CHPF: variants seen among roughly 807,000 people sequenced by gnomAD.
CHPF encodes the protein chondroitin polymerizing factor, non-catalytic subunit.
Under a neutral mutation model 55.1 loss-of-function variants are expected in CHPF, and 34 were observed. The ratio of observed to expected loss-of-function variants is 0.62; its 90% confidence interval spans 0.47 to 0.82. CHPF has a LOEUF of 0.82. Among genes scored for constraint, CHPF ranks in the 40% least tolerant of loss-of-function variants. The probability of loss-of-function intolerance (pLI) is 0.00; values close to 1 mark genes in which losing one functional copy is unlikely to be tolerated. For missense variants in CHPF, 961 were observed against 1,106.1 expected, an observed-to-expected ratio of 0.87 and a Z score of 1.86; for synonymous variants, 489 against 496.6, an observed-to-expected ratio of 0.98 and a Z score of 0.20.
chr2:219,543,054 G>C (rs1695311653), intron 1 of CHPF, 171 bp downstream of exon 1: 1 of 1,360,240 alleles, frequency 7.4e-7, no homozygotes, highest in Non-Finnish European at 9.4e-7. Flanking sequence ...AGAAAGTCTC[G>C]GACTGGCCCC....
In CHPF at chr2:219,543,545, C is replaced by G; in HGVS notation, c.-7G>C. 1 of 1,328,776 alleles carries G rather than the reference C, an allele frequency of 7.5e-7. No homozygotes were observed. The highest frequency in any genetic ancestry group is 3.1e-5 in the East Asian group (1 of 32,002). 82.3% of individuals were successfully genotyped at this position (1,328,776 alleles called of 1,614,324 possible). A position where few individuals can be genotyped will look rare whatever the true frequency, so the allele number is the denominator to read the frequency against. ...GCAGCAGCGATGCCCGCATGGCGCC[C>G]GGACCGCGGGTCCCCGGCCCCGGCG... On this transcript the variant is annotated 5_prime_UTR_variant, in exon 1 of 4. Transcript: ENST00000243776.
At position 219,540,925 on chromosome 2, in the gene CHPF, AC is replaced by A. The variant is rs1425444239; in HGVS notation, c.1068+20del. ...CAGATCCTGTCCCCGTCACTCTGCC[AC>A]CCCCAGACCTAGACCATACCTGTAA... On this transcript the variant is annotated intron_variant, in intron 3 of 3. Transcript: ENST00000243776. 51 of 1,603,862 alleles carry A rather than the reference AC, an allele frequency of 3.2e-5. No homozygotes were observed. Among genetic ancestry groups the A allele is most frequent in the Non-Finnish European group, 4.1e-5 (48 of 1,177,214 alleles).
At chr2:219,542,809 T>A in intron 1 of CHPF, 1 of 599,970 alleles carries the variant, frequency 1.7e-6, no homozygotes, top group Non-Finnish European at 2.1e-6. Context: ...CATTCCTCCC[T>A]CCCCCATCTC....
chr2:219,539,712 C>T lies in CHPF; in HGVS notation c.1999G>A (p.Gly667Ser), dbSNP rs1425898379. 6.2e-7 allele frequency: 1 copy of T among 1,613,282 alleles called. No individual in the cohort carries two copies. ...PGPPELGRDTGRFDRQAASEA... is the reference protein window; with the variant it reads ...PGPPELGRDTSRFDRQAASEA... ...CTGGCTGCCTGGCGATCAAAGCGGC[C>T]AGTGTCACGGCCCAGCTCTGGGGGC... Residue 667 changes from glycine to serine, a missense_variant, in exon 4 of 4, where the codon GGC becomes AGC. By Grantham distance (56) the Gly-to-Ser change is moderately conservative. This residue lies in a region of CHPF where 936 missense variants were observed against 1,058.4 expected (regional missense o/e 0.88). Transcript: ENST00000243776.
Position 219,540,005 on chromosome 2 carries a change from T to C in CHPF, c.1706A>G (p.His569Arg). The part of the protein sequence containing the change: ...HADVFAPVKA[H>R]VAELERRFPG... ...GAAACGCCGCTCCAGCTCTGCCACG[T>C]GGGCCTTGACAGGTGCGAAGACATC... The change falls in exon 4 of 4, where the codon CAC becomes CGC. Residue 569 changes from histidine to arginine, a missense_variant. By Grantham distance (29) the His-to-Arg change is conservative (BLOSUM62 0). Around this residue, in one of 3 missense-constraint regions of CHPF, gnomAD observed 936 missense variants for 1,058.4 expected, o/e 0.88. Transcript: ENST00000243776. 1 of 1,613,604 alleles carries C rather than the reference T, an allele frequency of 6.2e-7. No homozygotes were observed. Among genetic ancestry groups the C allele is most frequent in the Non-Finnish European group, 8.5e-7 (1 of 1,179,954 alleles).
At chr2:219,543,125 C>T in intron 1 of CHPF, 100 bp downstream of exon 1, 5 of 1,369,604 alleles carry the variant, frequency 3.7e-6, no homozygotes, top group Non-Finnish European at 4.7e-6. Context: ...TCCTGGCTCG[C>T]CAGCCCCTTC....
intron 1 of CHPF, chr2:219,542,959 C>T: frequency 1.6e-6 from 2 of 1,278,882 alleles, no homozygotes; most frequent in Non-Finnish European, 2.0e-6. Context: ...AGCCAGGGAG[C>T]TAGTAGGATC....
At position 219,542,045 on chromosome 2, in the gene CHPF, G is replaced by A; in HGVS notation, c.459C>T (p.Gly153=). Residue 153 remains glycine, a synonymous_variant, in exon 2 of 4, where the codon GGC becomes GGT. Coordinates refer to ENST00000243776, the MANE Select transcript of CHPF (RefSeq NM_024536.6). ...HRLERVVFLT[G]ARGRRAPPGM... ...CAGGTGGGGCCCGGCGGCCCCGTGC[G>A]CCCGTCAGGAACACCACACGCTCCA... 1 of 1,584,590 alleles carries A rather than the reference G, an allele frequency of 6.3e-7. No homozygotes were observed. Among genetic ancestry groups the A allele is most frequent in the Non-Finnish European group, 8.5e-7 (1 of 1,169,918 alleles).
At position 219,539,350 on chromosome 2, in the gene CHPF, G is replaced by A. The variant is rs1214159838; in HGVS notation, c.*33C>T. On this transcript the variant is annotated 3_prime_UTR_variant, in exon 4 of 4. Transcript: ENST00000243776. ...TTGGGGGAGAAGTGGGGTGGGGTGTGGCCATGCCACGGCCCACGGGGACAG... is the reference window on the plus strand; with the variant it reads ...TTGGGGGAGAAGTGGGGTGGGGTGTAGCCATGCCACGGCCCACGGGGACAG... 1.9e-6 allele frequency: 3 copies of A among 1,557,052 alleles called. No individual in the cohort carries two copies. The highest frequency in any genetic ancestry group is 2.6e-6 in the Non-Finnish European group (3 of 1,148,010).
Position 219,543,538 on chromosome 2 carries a change from T to TG in CHPF, c.-1dup. On this transcript the variant is annotated 5_prime_UTR_variant, in exon 1 of 4. Coordinates refer to ENST00000243776, the MANE Select transcript of CHPF (RefSeq NM_024536.6). Reference sequence around the variant, plus strand: ...ACCGACAGCAGCAGCGATGCCCGCATGGCGCCCGGACCGCGGGTCCCCGGC... The same window carrying TG: ...ACCGACAGCAGCAGCGATGCCCGCATGGGCGCCCGGACCGCGGGTCCCCGGC... 1 of 1,332,272 alleles carries TG rather than the reference T, an allele frequency of 7.5e-7. No homozygotes were observed. The highest frequency in any genetic ancestry group is 9.6e-7 in the Non-Finnish European group (1 of 1,046,042). The allele number at this position is 1,332,272 out of a possible 1,614,324, so 82.5% of individuals were successfully genotyped here.
At chr2:219,541,173 C>A in intron 2 of CHPF, 48 bp from the exon 3 acceptor site, 1 of 1,505,176 alleles carries the variant, frequency 6.6e-7, no homozygotes. Flanking sequence ...CATTGTCTTC[C>A]GTTGTCTCAT....
Position 219,539,401 on chromosome 2 carries a change from C to T in CHPF, c.2310G>A (p.Glu770=), listed in dbSNP as rs905084021. The T allele has an allele frequency of 3.7e-6, 6 of 1,604,448 alleles. No homozygotes were observed. Among genetic ancestry groups the T allele is most frequent in the Non-Finnish European group, 5.1e-6 (6 of 1,173,574 alleles). The part of the protein sequence containing the change: ...TQLAMLLFEQ[E]QGNST ...GGTGGGGTCAGGTGCTGTTGCCCTG[C>T]TCCTGTTCAAAGAGTAGCATGGCCA... Residue 770 remains glutamate (E), a synonymous_variant, in exon 4 of 4, where the codon GAG becomes GAA. Coordinates refer to ENST00000243776, the MANE Select transcript of CHPF (RefSeq NM_024536.6).
chr2:219,543,090 C>T, intron 1 of CHPF, 135 bp downstream of exon 1: 2 of 1,363,352 alleles, frequency 1.5e-6, no homozygotes, highest in Non-Finnish European at 9.4e-7. Flanking sequence ...GCAGGGCCAT[C>T]GGAAGTTATC....
At chr2:219,542,708 G>C (rs1695302919) in intron 1 of CHPF, among the ~76,000 whole-genome samples, 1 of 152,184 alleles carries the variant, frequency 6.6e-6, no homozygotes, top group Non-Finnish European at 1.5e-5. Context: ...CTTTTGGTAA[G>C]GCAGAAGGTA....
chr2:219,543,346 C>T lies in CHPF; in HGVS notation c.193G>A (p.Val65Met). The change falls in exon 1 of 4, where the codon GTG (valine) becomes ATG (methionine). Residue 65 changes from valine to methionine, a missense_variant. By Grantham distance (21) the Val-to-Met change is conservative. Around this residue, in one of 3 missense-constraint regions of CHPF, gnomAD observed 936 missense variants for 1,058.4 expected, o/e 0.88. Coordinates refer to ENST00000243776, the MANE Select transcript of CHPF (RefSeq NM_024536.6). The part of the protein sequence containing the change: ...NTNAARRPNS[V>M]QPGAEREKPG... ...TTCTCGCGCTCCGCTCCGGGCTGCA[C>T]CGAGTTGGGCCGGCGCGCCGCGTTG... 6.4e-7 allele frequency: 1 copy of T among 1,564,912 alleles called. No homozygotes were observed. Among genetic ancestry groups the T allele is most frequent in the Non-Finnish European group, 8.6e-7 (1 of 1,165,460 alleles).
chr2:219,540,016 A>G lies in CHPF; in HGVS notation c.1695T>C (p.Pro565=). The change falls in exon 4 of 4, where the codon CCT becomes CCC. Residue 565 remains proline (P), a synonymous_variant. Coordinates refer to ENST00000243776, the MANE Select transcript of CHPF (RefSeq NM_024536.6). ...CCAGCTCTGCCACGTGGGCCTTGAC[A>G]GGTGCGAAGACATCTGCATGGGCCA... The part of the protein sequence containing the change: ...QRVAHADVFA[P]VKAHVAELER... The G allele has an allele frequency of 6.2e-7, 1 of 1,613,488 alleles. No individual in the cohort carries two copies. The highest frequency in any genetic ancestry group is 8.5e-7 in the Non-Finnish European group (1 of 1,179,932).
rs1238491882 is a variant in CHPF at position 219,540,721 on chromosome 2, G to A, written c.1069-79C>T. 9 of 1,427,486 alleles carry A rather than the reference G, an allele frequency of 6.3e-6. No individual in the cohort carries two copies. In the East Asian group the frequency reaches 1.7e-4, roughly 27 times the overall value. 88.4% of individuals were successfully genotyped at this position (1,427,486 alleles called of 1,614,324 possible). ...CAGCTGGGGGACTGGGTAGGCAGTA[G>A]GTGCCACTCAGGATGGGCCCCTCAT... On this transcript the variant is annotated intron_variant, in intron 3 of 3. Coordinates refer to ENST00000243776, the MANE Select transcript of CHPF (RefSeq NM_024536.6).
chr2:219,541,147 A>T (rs200834247), intron 2 of CHPF, 22 bp from the exon 3 acceptor site: 43 of 1,563,604 alleles, frequency 2.8e-5, no homozygotes, highest in Non-Finnish European at 3.6e-5. Context: ...AAGGGAAGGG[A>T]TCTGTGATGA....
Position 219,542,019 on chromosome 2 carries a change from C to T in CHPF, c.485G>A (p.Gly162Asp). The T allele has an allele frequency of 6.3e-7, 1 of 1,597,810 alleles. No homozygotes were observed. The highest frequency in any genetic ancestry group is 1.1e-5 in the South Asian group (1 of 89,462). The change falls in exon 2 of 4, where the codon GGC becomes GAC. Residue 162 changes from glycine (G) to aspartate (D), a missense_variant. Coordinates refer to ENST00000243776, the MANE Select transcript of CHPF (RefSeq NM_024536.6). ...CTCGCCTAGCGTCACCACTGCCATG[C>T]CAGGTGGGGCCCGGCGGCCCCGTGC... Reference protein sequence around the residue: ...TGARGRRAPPGMAVVTLGEER... With the variant: ...TGARGRRAPPDMAVVTLGEER...
Sources: allele counts gnomAD v4.1 joint callset (sites outside exome capture counted in the v4.1 genomes callset), GRCh38; gene constraint gnomAD v4.1.1; regional missense constraint gnomAD v4.1.1; transcripts MANE v1.5; gene names NCBI Gene and HGNC (gene_info 2026-07-23, HGNC 2026-07-21).